Variants in ZNF695 observed in about 807,000 individuals in gnomAD.
The protein encoded by ZNF695 is zinc finger protein 695, also known as zinc finger protein SBZF3.
ZNF695 carries 11 observed loss-of-function variants against 11.2 expected under a neutral mutation model. That is an observed-to-expected ratio of 0.98 (90% CI 0.62 to 1.62). The LOEUF (loss-of-function observed/expected upper bound fraction) is 1.62, where lower values mean the gene tolerates loss of function less well. Among genes scored for constraint, ZNF695 ranks in the 40% most tolerant of loss-of-function variants. The pLI is 0.00. For missense variants in ZNF695, 559 were observed against 590.5 expected (o/e 0.95, Z 0.55); for synonymous variants, 190 against 201.4 (o/e 0.94, Z 0.48).
intron 5 of ZNF695, among the ~76,000 whole-genome samples, chr1:246,949,191 G>A (rs1006668643): frequency 2.6e-5 from 4 of 152,044 alleles, no homozygotes; most frequent in Non-Finnish European, 4.4e-5. Context: ...ACCATATGAT[G>A]GTATTTTCTT....
At chr1:246,999,315 C>T (rs887329742) in intron 3 of ZNF695, 33 bp downstream of exon 3, 1 of 1,540,588 alleles carries the variant, frequency 6.5e-7, no homozygotes, top group Non-Finnish European at 9.0e-7. Context: ...CCTTCAACCC[C>T]TACCTGTGTT....
At chr1:247,001,109 T>C (rs1002322260) in intron 1 of ZNF695, among the ~76,000 whole-genome samples, 1 of 152,066 alleles carries the variant, frequency 6.6e-6, no homozygotes, top group Non-Finnish European at 1.5e-5. Flanking sequence ...GCAAGTTGCA[T>C]AAAGAAAGAA....
rs777574266 is a variant in ZNF695 at position 246,987,368 on chromosome 1, C to A, written c.1147G>T (p.Glu383Ter). The A allele has an allele frequency of 6.2e-7, 1 of 1,613,644 alleles. No homozygotes were observed. The highest frequency in any genetic ancestry group is 1.1e-5 in the South Asian group (1 of 91,020). ...CAGGTAAAAGCTTTGCCACATTCCT[C>A]ACATTTGTATGGTTTCTCACCAGTA... ...IHTGEKPYKC[E>*]ECGKAFTWFS... Residue 383 changes from glutamate (E) to a stop codon, truncating the protein, a stop_gained, in exon 4 of 4, where the codon GAG becomes TAG. Transcript: ENST00000339986. LOFTEE classifies it low-confidence loss of function (END_TRUNC).
At chr1:246,961,177 C>G (rs945716175) in intron 5 of ZNF695, among the ~76,000 whole-genome samples, 8 of 152,234 alleles carry the variant, frequency 5.3e-5, no homozygotes, top group South Asian at 2.1e-4. Flanking sequence ...TCAAACTTCT[C>G]ATCTTTAGCA....
intron 5 of ZNF695, among the ~76,000 whole-genome samples, chr1:246,951,877 C>A (rs190085075): frequency 2.0e-5 from 3 of 152,196 alleles, no homozygotes; most frequent in Admixed American, 1.3e-4. Flanking sequence ...CTTCTCCCCC[C>A]GCTCTTTGTC....
chr1:246,947,283 T>A (rs1028895691), intron 5 of ZNF695, among the ~76,000 whole-genome samples: 1 of 149,236 alleles, frequency 6.7e-6, no homozygotes, highest in Non-Finnish European at 1.5e-5. Context: ...CTGTCATGCC[T>A]GTCATATAGT....
At chr1:246,948,733 A>G (rs1667799123) in intron 5 of ZNF695, among the ~76,000 whole-genome samples, 1 of 152,234 alleles carries the variant, frequency 6.6e-6, no homozygotes, top group Non-Finnish European at 1.5e-5. Flanking sequence ...CACTAAGAGC[A>G]AACTTTTCAA....
At chr1:246,988,529 G>C (rs1668925230) in intron 3 of ZNF695, among the ~76,000 whole-genome samples, 1 of 152,074 alleles carries the variant, frequency 6.6e-6, no homozygotes, top group African/African-American at 2.4e-5. Flanking sequence ...TTACAGGCCA[G>C]GAGAGAGTGG....
intron 4 of ZNF695, among the ~76,000 whole-genome samples, chr1:246,979,163 G>GC (rs1313035895): frequency 1.3e-5 from 2 of 152,122 alleles, no homozygotes; most frequent in African/African-American, 4.8e-5. Flanking sequence ...CTAGAGAGCT[G>GC]CTCTGGGTGA....
rs538705730 is a variant in ZNF695, at chr1:246,999,961, G to A, written c.117C>T (p.Asn39=). ...AGCTATCCTCACCAAGGGAGATCAGGTTTCTGTAGTTCTCTAACATCACAT... is the reference window on the plus strand; with the variant it reads ...AGCTATCCTCACCAAGGGAGATCAGATTTCTGTAGTTCTCTAACATCACAT... ...YRDVMLENYR[N]LISLGEDSFN... Residue 39 remains asparagine, a synonymous_variant, in exon 2 of 4, where the codon AAC becomes AAT. Transcript: ENST00000339986. The A allele has an allele frequency of 6.2e-7, 1 of 1,614,128 alleles. No homozygotes were observed. The highest frequency in any genetic ancestry group is 1.1e-5 in the South Asian group (1 of 91,082).
In ZNF695 at chr1:247,007,966, C is replaced by T; in HGVS notation, c.-58G>A. 2 of 1,461,504 alleles carry T rather than the reference C, an allele frequency of 1.4e-6. No homozygotes were observed. The highest frequency in any genetic ancestry group is 1.8e-6 in the Non-Finnish European group (2 of 1,095,438). The allele number at this position is 1,461,504 out of a possible 1,614,324, so 90.5% of individuals were successfully genotyped here. A position where few individuals can be genotyped will look rare whatever the true frequency, so the allele number is the denominator to read the frequency against. On this transcript the variant is annotated 5_prime_UTR_variant, in exon 1 of 4. Transcript: ENST00000339986. ...TATAAATCTCGCAATACCTGCAGGCCACAGGGCGATGGAGCCTGCGGCAGT... is the reference window on the plus strand; with the variant it reads ...TATAAATCTCGCAATACCTGCAGGCTACAGGGCGATGGAGCCTGCGGCAGT...
chr1:246,975,692 A>G (rs1668539979), intron 4 of ZNF695, among the ~76,000 whole-genome samples: 1 of 152,222 alleles, frequency 6.6e-6, no homozygotes, highest in Admixed American at 6.5e-5. Flanking sequence ...AAGCATATAC[A>G]ACCCTCCCAA....
rs966385680 is a variant in ZNF695, at chr1:246,995,401, C to T, written c.259+3947G>A. Among the ~76,000 whole-genome samples the T allele has an allele frequency of 1.3e-4, 20 of 152,298 alleles. No homozygotes were observed. The East Asian group carries it at 3.3e-3, about 25-fold the overall frequency. On this transcript the variant is annotated intron_variant, in intron 3 of 3. Coordinates refer to ENST00000339986, the MANE Select transcript of ZNF695 (RefSeq NM_020394.5). ...TGACCTACAGATTCAGTGCAATCCT[C>T]TCAAGTTCACAATTTCGTTTTTGCA...
At chr1:247,002,658 T>A (rs1669420502) in intron 1 of ZNF695, among the ~76,000 whole-genome samples, 1 of 152,082 alleles carries the variant, frequency 6.6e-6, no homozygotes, top group African/African-American at 2.4e-5. Context: ...TGGTGGTGCA[T>A]GCCTGTGATC....
chr1:246,952,919 T>C (rs1035868268), intron 5 of ZNF695, among the ~76,000 whole-genome samples: 18 of 149,052 alleles, frequency 1.2e-4, no homozygotes, highest in African/African-American at 4.6e-4. Flanking sequence ...AGGCCTTATC[T>C]GTATAAATTT....
chr1:246,974,164 A>AC (rs1668500389), intron 4 of ZNF695, among the ~76,000 whole-genome samples: 1 of 149,126 alleles, frequency 6.7e-6, no homozygotes, highest in Non-Finnish European at 1.5e-5. Flanking sequence ...AAACAAACAA[A>AC]AAAAAACAAA....
At chr1:246,953,004 G>A (rs139161705) in intron 5 of ZNF695, among the ~76,000 whole-genome samples, 26 of 152,154 alleles carry the variant, frequency 1.7e-4, no homozygotes, top group Non-Finnish European at 2.9e-4. Context: ...CCCTACTTGA[G>A]CCACAATTTA....
chr1:246,998,887 G>C (rs746492886), intron 3 of ZNF695, among the ~76,000 whole-genome samples: 3 of 152,044 alleles, frequency 2.0e-5, no homozygotes, highest in Non-Finnish European at 2.9e-5. Flanking sequence ...GGAATCGCTT[G>C]AACCCAGGAG....
chr1:246,976,591 G>C (rs373085743), intron 4 of ZNF695, among the ~76,000 whole-genome samples: 19 of 151,556 alleles, frequency 1.3e-4, no homozygotes, highest in East Asian at 1.2e-3. Context: ...TGAGGAGATC[G>C]AGACCATCCT....
Sources: gnomAD v4.1 joint callset for allele counts (sites outside exome capture counted in the v4.1 genomes callset) on GRCh38, gnomAD v4.1.1 for gene constraint, MANE v1.5 for transcripts, NCBI Gene and HGNC (gene_info 2026-07-23, HGNC 2026-07-21) for gene names.